Variants in ANGPTL6 observed in about 807,000 individuals in gnomAD.
The protein encoded by ANGPTL6 is angiopoietin like 6, also known as angiopoietin-related protein 6.
A neutral mutation model predicts 47.4 loss-of-function variants in ANGPTL6; 45 were observed. The observed-to-expected ratio is 0.95, with a 90% CI of 0.75 to 1.22. The LOEUF (loss-of-function observed/expected upper bound fraction) is 1.22. ANGPTL6 is among the 50% of genes most tolerant of loss of function. The pLI is 0.00. For missense variants in ANGPTL6, 698 were observed against 669.4 expected, an observed-to-expected ratio of 1.04 and a Z score of -0.47; for synonymous variants, 290 against 295.9, an observed-to-expected ratio of 0.98 and a Z score of 0.20.
In ANGPTL6 at chr19:10,102,561, C is replaced by G; in HGVS notation, c.-11+7G>C. On this transcript the variant is annotated splice_region_variant and intron_variant, in intron 1 of 5. Transcript: ENST00000253109. ...ATCAACCTCCACCTACCTTCCCACCCTCTCACCTCTGATGCCCAAGACCCT... is the reference window on the plus strand; with the variant it reads ...ATCAACCTCCACCTACCTTCCCACCGTCTCACCTCTGATGCCCAAGACCCT... 1 of 984,368 alleles carries G rather than the reference C, an allele frequency of 1.0e-6. No individual in the cohort carries two copies. The highest frequency in any genetic ancestry group is 1.2e-6 in the Non-Finnish European group (1 of 829,100). The allele number at this position is 984,368 out of a possible 1,614,324, so 61.0% of individuals were successfully genotyped here. A position where few individuals can be genotyped will look rare whatever the true frequency, so the allele number is the denominator to read the frequency against.
rs758560495 is a variant in ANGPTL6, at chr19:10,093,606, C to T, written c.965G>A (p.Arg322Gln). ...TWQHYKAGFG[R>Q]PDGEYWLGLE... ...GCCCAGCCAGTATTCTCCGTCTGGC[C>T]GCCCAAAGCCCGCCTGGCAGGGCAG... Residue 322 changes from arginine (R) to glutamine (Q), a missense_variant, in exon 5 of 6, where the codon CGG (arginine) becomes CAG (glutamine). Coordinates refer to ENST00000253109, the MANE Select transcript of ANGPTL6 (RefSeq NM_031917.3). 42 of 1,613,382 alleles carry T rather than the reference C, an allele frequency of 2.6e-5. No individual in the cohort carries two copies. Among genetic ancestry groups the T allele is most frequent in the Middle Eastern group, 1.6e-4 (1 of 6,082 alleles).
upstream of ANGPTL6, among the ~76,000 whole-genome samples, chr19:10,105,250 C>A (rs988411848): frequency 4.6e-5 from 7 of 152,252 alleles, no homozygotes; most frequent in Non-Finnish European, 8.8e-5. Flanking sequence ...GCCCCTCGGC[C>A]CCCCACCCTC....
At chr19:10,100,218 C>G (rs1422579608) in intron 1 of ANGPTL6, among the ~76,000 whole-genome samples, 1 of 151,718 alleles carries the variant, frequency 6.6e-6, no homozygotes, top group Non-Finnish European at 1.5e-5. Context: ...GCCTTCTAGC[C>G]TAGGCAACCT....
chr19:10,103,989 A>G, upstream of ANGPTL6, among the ~76,000 whole-genome samples: 1 of 145,630 alleles, frequency 6.9e-6, no homozygotes, highest in Non-Finnish European at 1.5e-5. Flanking sequence ...GCTACTCAGG[A>G]GGCTGAGGCA....
Position 10,093,709 on chromosome 19 carries a change from G to C in ANGPTL6, c.935C>G (p.Thr312Ser). 2.5e-6 allele frequency: 4 copies of C among 1,614,268 alleles called. No homozygotes were observed. Among genetic ancestry groups the C allele is most frequent in the Non-Finnish European group, 1.7e-6 (2 of 1,180,046 alleles). The change falls in exon 4 of 6, where the codon ACC becomes AGC. Residue 312 changes from threonine (T) to serine (S), a missense_variant. Transcript: ENST00000253109. Reference sequence around the variant, plus strand: ...TGTGCCCACCTTATAGTGCTGCCAGGTAGTGAAGAAGTTGACTGAACCATC... The same window carrying C: ...TGTGCCCACCTTATAGTGCTGCCAGCTAGTGAAGAAGTTGACTGAACCATC... The part of the protein sequence containing the change: ...RQDGSVNFFT[T>S]WQHYKAGFGR...
rs147149731 is a variant in ANGPTL6 at position 10,093,499 on chromosome 19, G to A, written c.1072C>T (p.Arg358Cys). The A allele has an allele frequency of 0.014, 22,698 of 1,614,168 alleles. 195 individuals carry two copies. Among genetic ancestry groups the A allele is most frequent in the Non-Finnish European group, 0.017 (19,811 of 1,180,028 alleles). ...LLEDWGGRGA[R>C]AHYDGFSLEP... ...AGGGAGAAGCCATCATAGTGGGCAC[G>A]TGCTCCACGGCCCCCCCAGTCCTCC... The change falls in exon 5 of 6, where the codon CGT becomes TGT. Residue 358 changes from arginine to cysteine, a missense_variant. Coordinates refer to ENST00000253109, the MANE Select transcript of ANGPTL6 (RefSeq NM_031917.3).
chr19:10,103,973 A>G (rs181719545), upstream of ANGPTL6, among the ~76,000 whole-genome samples: 1,089 of 150,760 alleles, frequency 7.2e-3, 13 homozygotes, highest in African/African-American at 0.025. Flanking sequence ...CATGCCTGTA[A>G]TCCCAGCTAC....
In ANGPTL6 at chr19:10,096,432, C is replaced by A; in HGVS notation, c.132G>T (p.Trp44Cys). Reference sequence around the variant, plus strand: ...TCGCCCGCGTGGATGCGGGGCCGCTCCAGCACACAGCGCCCGTGAACTTCT... The same window carrying A: ...TCGCCCGCGTGGATGCGGGGCCGCTACAGCACACAGCGCCCGTGAACTTCT... ...PPQKFTGAVC[W>C]SGPASTRATP... Residue 44 changes from tryptophan to cysteine, a missense_variant, in exon 2 of 6, where the codon TGG becomes TGT. Physicochemically the swap from Trp to Cys is radical, Grantham distance 215. Coordinates refer to ENST00000253109, the MANE Select transcript of ANGPTL6 (RefSeq NM_031917.3). 7.0e-7 allele frequency: 1 copy of A among 1,431,154 alleles called. No homozygotes were observed. The highest frequency in any genetic ancestry group is 9.1e-7 in the Non-Finnish European group (1 of 1,101,768). 88.7% of individuals were successfully genotyped at this position (1,431,154 alleles called of 1,614,324 possible).
intron 2 of ANGPTL6, among the ~76,000 whole-genome samples, chr19:10,095,749 G>A (rs1437691099): frequency 6.6e-6 from 1 of 152,154 alleles, no homozygotes; most frequent in Non-Finnish European, 1.5e-5. Flanking sequence ...TGGTCTTTAC[G>A]TGATAATGAT....
chr19:10,092,559 C>G lies in ANGPTL6; in HGVS notation c.*30G>C. On this transcript the variant is annotated 3_prime_UTR_variant, in exon 6 of 6. Transcript: ENST00000253109. ...TTGGGCTCCTGCTGACCAATGTCCT[C>G]TAGGGCCTAGGGGACAGAGGAACAC... The G allele has an allele frequency of 6.3e-7, 1 of 1,576,926 alleles. No individual in the cohort carries two copies. The highest frequency in any genetic ancestry group is 8.6e-7 in the Non-Finnish European group (1 of 1,157,406).
At chr19:10,105,458 G>C (rs1219549157), upstream of ANGPTL6, among the ~76,000 whole-genome samples, 1 of 152,174 alleles carries the variant, frequency 6.6e-6, no homozygotes, top group Non-Finnish European at 1.5e-5. Flanking sequence ...GATGGGGAGA[G>C]ACCACAGGGA....
chr19:10,092,352 GT>G lies in ANGPTL6; in HGVS notation c.*236del. ...CAGACACGGTCTGTGGCTACTTTGTGTTATTATAAGATATGAGCTCAAACCG... is the reference window on the plus strand; with the variant it reads ...CAGACACGGTCTGTGGCTACTTTGTGTATTATAAGATATGAGCTCAAACCG... On this transcript the variant is annotated 3_prime_UTR_variant, in exon 6 of 6. Coordinates refer to ENST00000253109, the MANE Select transcript of ANGPTL6 (RefSeq NM_031917.3). The G allele has an allele frequency of 1.3e-6, 2 of 1,545,400 alleles. No homozygotes were observed. Among genetic ancestry groups the G allele is most frequent in the Non-Finnish European group, 1.7e-6 (2 of 1,146,744 alleles).
chr19:10,098,427 G>C (rs1163331410), intron 1 of ANGPTL6, among the ~76,000 whole-genome samples: 1 of 152,112 alleles, frequency 6.6e-6, no homozygotes, highest in Non-Finnish European at 1.5e-5. Context: ...CTTGAGAGGG[G>C]GTTGCCTAAA....
At chr19:10,099,058 C>T (rs1350370732) in intron 1 of ANGPTL6, among the ~76,000 whole-genome samples, 2 of 152,124 alleles carry the variant, frequency 1.3e-5, no homozygotes, top group Non-Finnish European at 2.9e-5. Flanking sequence ...CCCCACTGCC[C>T]CCAGACCCTC....
chr19:10,099,310 C>T (rs999669516), intron 1 of ANGPTL6, among the ~76,000 whole-genome samples: 4 of 152,186 alleles, frequency 2.6e-5, no homozygotes, highest in African/African-American at 4.8e-5. Flanking sequence ...ATCTTGGTGA[C>T]TCACGCCTGT....
At position 10,092,497 on chromosome 19, in the gene ANGPTL6, T is replaced by A; in HGVS notation, c.*92A>T. ...CAGTGGGAAGTTCTGTGGGACACAT[T>A]GGCACTGAGCCACAAAGAAGGTGTG... On this transcript the variant is annotated 3_prime_UTR_variant, in exon 6 of 6. Transcript: ENST00000253109. 1 of 1,525,124 alleles carries A rather than the reference T, an allele frequency of 6.6e-7. No homozygotes were observed. The highest frequency in any genetic ancestry group is 8.9e-7 in the Non-Finnish European group (1 of 1,129,758). The allele number at this position is 1,525,124 out of a possible 1,614,324, so 94.5% of individuals were successfully genotyped here.
chr19:10,096,603 C>A, intron 1 of ANGPTL6, 30 bp from the exon 2 acceptor site: 1 of 1,453,348 alleles, frequency 6.9e-7, no homozygotes. Context: ...GGAAGGAAGA[C>A]GGGGTGCTGG....
upstream of ANGPTL6, chr19:10,102,811 T>C (rs1472852786): frequency 1.0e-6 from 1 of 976,606 alleles, no homozygotes; most frequent in East Asian, 1.1e-4. Context: ...GAGACAGAAT[T>C]GCCAGACCCC....
chr19:10,093,017 C>G, intron 5 of ANGPTL6: 1 of 488,216 alleles, frequency 2.0e-6, no homozygotes, highest in South Asian at 4.5e-5. Flanking sequence ...ATCTTTCCCA[C>G]CTTTTCTGCA....
Sources: allele counts gnomAD v4.1 joint callset (sites outside exome capture counted in the v4.1 genomes callset), GRCh38; gene constraint gnomAD v4.1.1; transcripts MANE v1.5; gene names NCBI Gene and HGNC (gene_info 2026-07-23, HGNC 2026-07-21).